ADA2: variants seen among roughly 807,000 people sequenced by gnomAD.
ADA2 encodes adenosine deaminase 2, also known as adenosine deaminase CECR1.
A neutral mutation model predicts 44.2 loss-of-function variants in ADA2; 29 were observed. The ratio of observed to expected loss-of-function variants is 0.66; its 90% CI spans 0.49 to 0.89. ADA2 has a LOEUF of 0.89. ADA2 is among the 40% of genes least tolerant of loss of function. ADA2 has a pLI of 0.00. For synonymous variants in ADA2, 215 were observed against 234.9 expected (o/e 0.92, Z 0.77); for missense variants, 637 against 644.8 (o/e 0.99, Z 0.13).
At chr22:17,210,997 C>T (rs9606649) in intron 1 of ADA2, among the ~76,000 whole-genome samples, 86,140 of 152,040 alleles carry the variant, frequency 0.57, 25,576 homozygotes, top group East Asian at 0.93. Context: ...TGAGCTTTGA[C>T]CTCACCACTG....
At chr22:17,220,874 A>T (rs2062517971), upstream of ADA2, among the ~76,000 whole-genome samples, 2 of 152,210 alleles carry the variant, frequency 1.3e-5, no homozygotes, top group African/African-American at 4.8e-5. Flanking sequence ...GGATTCCCTC[A>T]TCAAGAGTTC....
chr22:17,183,904 GCAGA>G (rs1264554794), intron 7 of ADA2, among the ~76,000 whole-genome samples: 2 of 150,256 alleles, frequency 1.3e-5, no homozygotes, highest in Non-Finnish European at 2.9e-5. Context: ...CTAGATGACC[GCAGA>G]CAGTCTTGTG....
At chr22:17,209,047 A>C (rs1240061638) in intron 2 of ADA2, among the ~76,000 whole-genome samples, 1 of 151,698 alleles carries the variant, frequency 6.6e-6, no homozygotes, top group African/African-American at 2.4e-5. Context: ...TGTTTATACT[A>C]CTCCAGGATG....
intron 4 of ADA2, among the ~76,000 whole-genome samples, chr22:17,192,314 T>G (rs911402320): frequency 1.3e-5 from 2 of 152,034 alleles, no homozygotes; most frequent in African/African-American, 4.8e-5. Context: ...AGCATCTGCA[T>G]AATGGTTGAA....
At chr22:17,198,955 G>A (rs1362560729) in intron 4 of ADA2, among the ~76,000 whole-genome samples, 1 of 152,312 alleles carries the variant, frequency 6.6e-6, no homozygotes, top group East Asian at 1.9e-4. Flanking sequence ...CAGGCAGGGG[G>A]AGGCGAGGGG....
At chr22:17,192,598 C>A (rs774081830) in intron 4 of ADA2, among the ~76,000 whole-genome samples, 12 of 152,026 alleles carry the variant, frequency 7.9e-5, no homozygotes, top group Non-Finnish European at 1.6e-4. Flanking sequence ...GAGGCCGAGG[C>A]AGGGGGATCA....
At chr22:17,191,961 ACC>A in intron 4 of ADA2, 151 bp from the exon 5 acceptor site, 2 of 608,212 alleles carry the variant, frequency 3.3e-6, no homozygotes, top group East Asian at 6.5e-5. Flanking sequence ...TTGCCCAGCC[ACC>A]CCTGCCCAGC....
chr22:17,199,291 G>A (rs1601448308), intron 4 of ADA2, among the ~76,000 whole-genome samples: 1 of 152,152 alleles, frequency 6.6e-6, no homozygotes. Context: ...TGCAGAACAA[G>A]GGGGAAGATG....
intron 2 of ADA2, among the ~76,000 whole-genome samples, chr22:17,207,958 C>T (rs1449142288): frequency 6.6e-6 from 1 of 152,104 alleles, no homozygotes; most frequent in Non-Finnish European, 1.5e-5. Context: ...CAGCTGTGCC[C>T]CTTGCTCCCC....
intron 4 of ADA2, chr22:17,193,433 G>T: frequency 2.7e-6 from 1 of 370,202 alleles, no homozygotes; most frequent in South Asian, 2.9e-5. Context: ...TTGGGCGGTC[G>T]AGGTGGGTGG....
At chr22:17,206,317 C>T (rs2062353096) in intron 3 of ADA2, among the ~76,000 whole-genome samples, 2 of 152,008 alleles carry the variant, frequency 1.3e-5, no homozygotes, top group African/African-American at 4.8e-5. Flanking sequence ...ATTAGCCAGG[C>T]ATGGTGGCAC....
Position 17,207,139 on chromosome 22 carries a change from T to C in ADA2, c.474A>G (p.Lys158=). The part of the protein sequence containing the change: ...FAHPTPRPSE[K]CSKWILLEDY... ...CCTCCAGCAGAATCCACTTGGAACATTTTTCTGATGGACGGGGAGTTGGGT... is the reference window on the plus strand; with the variant it reads ...CCTCCAGCAGAATCCACTTGGAACACTTTTCTGATGGACGGGGAGTTGGGT... Residue 158 remains lysine (K), a synonymous_variant, in exon 3 of 10, where the codon AAA becomes AAG. Transcript: ENST00000399837. The C allele has an allele frequency of 6.2e-7, 1 of 1,614,220 alleles. No homozygotes were observed. The highest frequency in any genetic ancestry group is 8.5e-7 in the Non-Finnish European group (1 of 1,180,016).
chr22:17,199,449 A>ATCCTCATC, intron 4 of ADA2: 1 of 350,740 alleles, frequency 2.9e-6, no homozygotes, highest in Non-Finnish European at 4.7e-6. Flanking sequence ...CTTCCCCTCC[A>ATCCTCATC]CCCACGAAGA....
Position 17,209,599 on chromosome 22 carries a change from C to G in ADA2, c.79G>C (p.Ala27Pro), listed in dbSNP as rs766768505. The G allele has an allele frequency of 1.2e-6, 2 of 1,614,078 alleles. No individual in the cohort carries two copies. The highest frequency in any genetic ancestry group is 1.1e-5 in the South Asian group (1 of 91,086). ...LAVAMSFFGS[A>P]LSIDETRAHL... is the part of the protein sequence containing the mutation. ...GCCCGTGTTTCATCTATGGATAGAG[C>G]TGAGCCGAAGAAAGACATTGCCACA... Residue 27 changes from alanine (A) to proline (P), a missense_variant, in exon 2 of 10, where the codon GCT becomes CCT. Physicochemically the swap from Ala to Pro is conservative, Grantham distance 27 (BLOSUM62 -1). Transcript: ENST00000399837.
intron 4 of ADA2, among the ~76,000 whole-genome samples, chr22:17,192,036 A>T (rs2062123365): frequency 6.6e-6 from 1 of 152,028 alleles, no homozygotes; most frequent in Non-Finnish European, 1.5e-5. Context: ...AGCTCTGGGA[A>T]AAGTAGATGG....
intron 7 of ADA2, among the ~76,000 whole-genome samples, 162 bp downstream of exon 7, chr22:17,188,177 G>A (rs757221265): frequency 5.9e-5 from 9 of 152,232 alleles, no homozygotes; most frequent in Non-Finnish European, 8.8e-5. Context: ...TATTATCCTT[G>A]TTATTCCTTC....
At chr22:17,201,976 T>C (rs1412804222) in intron 4 of ADA2, among the ~76,000 whole-genome samples, 93 of 141,214 alleles carry the variant, frequency 6.6e-4, no homozygotes, top group African/African-American at 2.3e-3. Context: ...TCTTTTTTTT[T>C]TTTTTTTTTT....
rs1309897357 is a variant in ADA2 at position 17,195,538 on chromosome 22, C to A, written c.754-3728G>T. On this transcript the variant is annotated intron_variant, in intron 4 of 9. Transcript: ENST00000399837. ...AGCAAGACTCCGTCTCAAAAAAAAA[C>A]AAAACAAAACAAAAAAATTTTTTTA... 4.4e-4 allele frequency among the ~76,000 whole-genome samples: 61 copies of A among 138,058 alleles called. 1 individual carries two copies. The highest frequency in any genetic ancestry group is 1.4e-3 in the African/African-American group (52 of 36,764). The allele number at this position is 138,058 out of a possible 152,430, so 90.6% of individuals were successfully genotyped here.
chr22:17,204,758 T>C (rs71328205), intron 3 of ADA2, among the ~76,000 whole-genome samples: 3,995 of 151,594 alleles, frequency 0.026, 112 homozygotes, highest in East Asian at 0.11. Context: ...GATCTTAGAC[T>C]TCCAGCCTCC....
Sources: allele counts gnomAD v4.1 joint callset (sites outside exome capture counted in the v4.1 genomes callset), GRCh38; gene constraint gnomAD v4.1.1; transcripts MANE v1.5; gene names NCBI Gene and HGNC (gene_info 2026-07-23, HGNC 2026-07-21).